NTRK3: variants seen among roughly 807,000 people sequenced by gnomAD.
NTRK3 encodes the protein NT-3 growth factor receptor.
In NTRK3, 24 loss-of-function variants were observed where a neutral mutation model predicts 91.7. The observed-to-expected ratio is 0.26, with a 90% CI of 0.19 to 0.37. The LOEUF is 0.37. Among genes scored for constraint, NTRK3 ranks in the 10% least tolerant of loss-of-function variants. The pLI is 1.00. For missense variants in NTRK3, 880 were observed against 1,068.9 expected, an observed-to-expected ratio of 0.82 and a Z score of 2.46; for synonymous variants, 483 against 404.0, an observed-to-expected ratio of 1.20 and a Z score of -2.34.
At position 87,888,772 on chromosome 15, in the gene NTRK3, CT is replaced by C. The variant is rs796355818; in HGVS notation, c.2134-8345del. ...CATACTCATACTAAAAATATGTTGG[CT>C]TTTTTTTTTGTCTAAAATTCAAATT... On this transcript the variant is annotated intron_variant, in intron 17 of 18. Coordinates refer to ENST00000394480, the Ensembl canonical transcript of NTRK3. 1.4e-3 allele frequency among the ~76,000 whole-genome samples: 209 copies of C among 147,066 alleles called. 1 individual carries two copies. The highest frequency in any genetic ancestry group is 2.8e-3 in the South Asian group (13 of 4,592).
chr15:88,181,880 C>A (rs978784702), intron 5 of NTRK3, among the ~76,000 whole-genome samples: 2 of 152,166 alleles, frequency 1.3e-5, no homozygotes, highest in African/African-American at 2.4e-5. Context: ...GGCTTTGTGA[C>A]CCTTGTATGA....
At chr15:88,217,241 C>G (rs1348965267) in intron 3 of NTRK3, among the ~76,000 whole-genome samples, 4 of 152,196 alleles carry the variant, frequency 2.6e-5, no homozygotes, top group African/African-American at 9.7e-5. Flanking sequence ...TCCAACAACT[C>G]TACTTCTGGG....
At chr15:88,061,681 G>A (rs538702218) in intron 13 of NTRK3, among the ~76,000 whole-genome samples, 17 of 152,332 alleles carry the variant, frequency 1.1e-4, no homozygotes, top group Non-Finnish European at 1.5e-4. Context: ...GCAGGGTGGC[G>A]AACTCAGGCC....
chr15:88,006,118 A>G (rs2076468159), intron 14 of NTRK3, among the ~76,000 whole-genome samples: 1 of 152,152 alleles, frequency 6.6e-6, no homozygotes, highest in Non-Finnish European at 1.5e-5. Context: ...CTTTAAGGAG[A>G]AAGTAAAAAT....
intron 10 of NTRK3, among the ~76,000 whole-genome samples, chr15:88,129,894 T>C (rs1375767351): frequency 6.6e-6 from 1 of 152,154 alleles, no homozygotes; most frequent in Non-Finnish European, 1.5e-5. Flanking sequence ...TCTTTAAAGA[T>C]GTATTAAAGT....
intron 14 of NTRK3, among the ~76,000 whole-genome samples, chr15:87,987,963 C>T (rs75300075): frequency 0.045 from 6,911 of 152,138 alleles, 232 homozygotes; most frequent in South Asian, 0.1. Context: ...GAATACTTTA[C>T]GCAGAGACTC....
intron 17 of NTRK3, among the ~76,000 whole-genome samples, chr15:87,919,829 G>A (rs1464263103): frequency 6.6e-6 from 1 of 152,062 alleles, no homozygotes; most frequent in Non-Finnish European, 1.5e-5. Context: ...TATTTTATCA[G>A]GAAGGAAAAA....
rs1173786376 is a variant in NTRK3, at chr15:87,896,786, A to T, written c.2134-16358T>A. 3.9e-5 allele frequency among the ~76,000 whole-genome samples: 6 copies of T among 152,300 alleles called. No homozygotes were observed. In the South Asian group the frequency reaches 1.2e-3, roughly 32 times the overall value. On this transcript the variant is annotated intron_variant, in intron 17 of 18. Transcript: ENST00000394480. Reference sequence around the variant, plus strand: ...AGATGAAAGCTTTATACAAGAGGTTATGACTTTTCTACAGTGACATCAGAC... The same window carrying T: ...AGATGAAAGCTTTATACAAGAGGTTTTGACTTTTCTACAGTGACATCAGAC...
chr15:88,085,383 C>A (rs146585387), intron 13 of NTRK3, among the ~76,000 whole-genome samples: 55 of 152,322 alleles, frequency 3.6e-4, no homozygotes, highest in African/African-American at 1.2e-3. Flanking sequence ...AGTGACTGTT[C>A]CAAGCCAAGG....
chr15:87,977,426 T>C (rs567605971), intron 14 of NTRK3: 3 of 211,530 alleles, frequency 1.4e-5, no homozygotes, highest in Admixed American at 1.2e-4. Context: ...TAAGTCTCTG[T>C]GGAAACACAA....
At chr15:87,949,634 C>A (rs1240782059) in intron 14 of NTRK3, among the ~76,000 whole-genome samples, 1 of 152,116 alleles carries the variant, frequency 6.6e-6, no homozygotes, top group African/African-American at 2.4e-5. Flanking sequence ...CCCAGTGCTA[C>A]CCCACCATGC....
At chr15:88,248,724 A>G (rs2053079460) in intron 3 of NTRK3, among the ~76,000 whole-genome samples, 1 of 152,184 alleles carries the variant, frequency 6.6e-6, no homozygotes. Context: ...AATAGTACTT[A>G]TCTTATTGGG....
intron 14 of NTRK3, among the ~76,000 whole-genome samples, chr15:87,988,866 A>G (rs2075059053): frequency 6.6e-6 from 1 of 152,204 alleles, no homozygotes; most frequent in Admixed American, 6.5e-5. Flanking sequence ...AAAGTCATAC[A>G]TAATAACAAA....
At chr15:87,919,950 C>A (rs1158878411) in intron 17 of NTRK3, among the ~76,000 whole-genome samples, 1 of 152,118 alleles carries the variant, frequency 6.6e-6, no homozygotes. Context: ...CCCTCCTATC[C>A]TAAAAAAATC....
At chr15:88,043,863 C>G (rs2079886188) in intron 13 of NTRK3, among the ~76,000 whole-genome samples, 1 of 152,194 alleles carries the variant, frequency 6.6e-6, no homozygotes, top group Admixed American at 6.5e-5. Context: ...ATAAGACTTC[C>G]TAACTAGATA....
chr15:88,238,663 T>C (rs552953706), intron 3 of NTRK3, among the ~76,000 whole-genome samples: 1 of 152,374 alleles, frequency 6.6e-6, no homozygotes, highest in South Asian at 2.1e-4. Context: ...CTGCAACTTA[T>C]TATATTTTTC....
intron 10 of NTRK3, 61 bp from the exon 11 acceptor site, chr15:88,128,795 A>G: frequency 6.9e-7 from 1 of 1,449,386 alleles, no homozygotes; most frequent in South Asian, 1.1e-5. Flanking sequence ...CAGACACACT[A>G]CTTGGTCCTA....
intron 13 of NTRK3, among the ~76,000 whole-genome samples, chr15:88,082,434 G>A (rs1360503364): frequency 6.6e-6 from 1 of 152,134 alleles, no homozygotes; most frequent in Non-Finnish European, 1.5e-5. Context: ...GTTTTTGCAT[G>A]TGTGTACACC....
At chr15:88,145,289 G>A (rs1597584043) in intron 6 of NTRK3, among the ~76,000 whole-genome samples, 1 of 152,184 alleles carries the variant, frequency 6.6e-6, no homozygotes, top group Non-Finnish European at 1.5e-5. Context: ...CCTCTCCCAA[G>A]ATTCAATTCT....
Sources: allele counts gnomAD v4.1 joint callset (sites outside exome capture counted in the v4.1 genomes callset), GRCh38; gene constraint gnomAD v4.1.1; transcripts MANE v1.5; gene names NCBI Gene and HGNC (gene_info 2026-07-23, HGNC 2026-07-21).